LRRC4: variants seen among roughly 807,000 people sequenced by gnomAD.
The protein encoded by LRRC4 is leucine rich repeat containing 4, also known as leucine-rich repeat-containing protein 4.
A neutral mutation model predicts 37.9 loss-of-function variants in LRRC4; 11 were observed. That is an observed-to-expected ratio of 0.29 (90% CI 0.18 to 0.48). The LOEUF (loss-of-function observed/expected upper bound fraction) is 0.48. Ranked by LOEUF, LRRC4 falls within the 20% of genes least tolerant of loss-of-function variation. The probability of loss-of-function intolerance (pLI) is 0.99; values close to 1 mark genes in which losing one functional copy is unlikely to be tolerated. For synonymous variants in LRRC4, 404 were observed against 346.7 expected (o/e 1.17, Z -1.84); for missense variants, 717 against 842.1 (o/e 0.85, Z 1.84).
In LRRC4 at chr7:128,030,428, C is replaced by G. The variant is rs1166182828; in HGVS notation, c.213G>C (p.Gln71His). ...CTRRGLSEVP[Q>H]GIPSNTRYLN... ...GGTACCGGGTGTTCGAGGGAATACC[C>G]TGCGGGACCTCGGAGAGGCCCCGGC... The change falls in exon 2 of 2, where the codon CAG (glutamine) becomes CAC (histidine). Residue 71 changes from glutamine (Q) to histidine (H), a missense_variant. Coordinates refer to ENST00000249363, the MANE Select transcript of LRRC4 (RefSeq NM_022143.5). The G allele has an allele frequency of 1.2e-6, 2 of 1,613,892 alleles. No individual in the cohort carries two copies. Among genetic ancestry groups the G allele is most frequent in the East Asian group, 2.2e-5 (1 of 44,878 alleles).
chr7:128,032,100 G>C (rs1005527856), upstream of LRRC4: 13 of 152,082 alleles, frequency 8.5e-5, no homozygotes, highest in African/African-American at 3.1e-4. Context: ...CAGTCAGAAC[G>C]TGAATGTACT....
At chr7:128,031,795 C>T (rs1228508981), upstream of LRRC4, among the ~76,000 whole-genome samples, 2 of 146,506 alleles carry the variant, frequency 1.4e-5, no homozygotes, top group Admixed American at 1.4e-4. Context: ...CCCGCCGCTG[C>T]CCGGCCCCCG....
At position 128,029,634 on chromosome 7, in the gene LRRC4, C is replaced by T. The variant is rs146038152; in HGVS notation, c.1007G>A (p.Arg336Gln). ...CGRCHAPMHM[R>Q]GRYLVEVDQA... ...GTCCACCTCCACGAGGTAGCGGCCT[C>T]GCATGTGCATGGGAGCATGACAGCG... Residue 336 changes from arginine (R) to glutamine (Q), a missense_variant, in exon 2 of 2, where the codon CGA becomes CAA. This residue lies in a region of LRRC4 where 293 missense variants were observed against 268.3 expected (regional missense o/e 1.09). Coordinates refer to ENST00000249363, the MANE Select transcript of LRRC4 (RefSeq NM_022143.5). The surrounding 1 kb of genome is among the most constrained non-coding windows in gnomAD (Gnocchi z 4.2). The T allele has an allele frequency of 7.4e-6, 12 of 1,613,850 alleles. No homozygotes were observed. The highest frequency in any genetic ancestry group is 2.2e-5 in the East Asian group (1 of 44,890).
rs1803552908 is a variant in LRRC4 at position 128,028,668 on chromosome 7, G to A, written c.*11C>T. 2 of 1,597,564 alleles carry A rather than the reference G, an allele frequency of 1.3e-6. No homozygotes were observed. The highest frequency in any genetic ancestry group is 1.7e-5 in the Admixed American group (1 of 57,884). ...TCTATTGCATTTTATAAGTTTTTTG[G>A]GGGAGGGGAGTCATATTTGAGTTTC... On this transcript the variant is annotated 3_prime_UTR_variant, in exon 2 of 2. Transcript: ENST00000249363.
rs935295367 is a variant in LRRC4 at position 128,031,183 on chromosome 7, GC to G, written c.-372del. 10 of 151,950 alleles carry G rather than the reference GC, an allele frequency of 6.6e-5. No homozygotes were observed. The highest frequency in any genetic ancestry group is 1.7e-4 in the African/African-American group (7 of 41,422). 9.4% of individuals were successfully genotyped at this position (151,950 alleles called of 1,614,324 possible). On this transcript the variant is annotated 5_prime_UTR_variant, in exon 1 of 2. The change abolishes the stop of an existing upstream ORF in the 5' untranslated region. Coordinates refer to ENST00000249363, the MANE Select transcript of LRRC4 (RefSeq NM_022143.5). ...GGCCCGGCGGGCTATGCAGGTGCATGCCCCCCCCTCCGCCCAAGGAGCGGCG... is the reference window on the plus strand; with the variant it reads ...GGCCCGGCGGGCTATGCAGGTGCATGCCCCCCCTCCGCCCAAGGAGCGGCG...
chr7:128,029,386 T>C lies in LRRC4; in HGVS notation c.1255A>G (p.Thr419Ala), dbSNP rs750645543. Residue 419 changes from threonine to alanine, a missense_variant, in exon 2 of 2, where the codon ACT becomes GCT. Around this residue, in one of 5 missense-constraint regions of LRRC4, gnomAD observed 293 missense variants for 268.3 expected, o/e 1.09. Coordinates refer to ENST00000249363, the MANE Select transcript of LRRC4 (RefSeq NM_022143.5). The surrounding 1 kb of genome is among the most constrained non-coding windows in gnomAD (Gnocchi z 4.2). ...GTCACCATGCATGTGTACACCCCAG[T>C]GTCTGAAAGCAGCACGTGGGAAAAG... is the stretch of plus-strand genomic sequence containing the variant. Reference protein sequence around the residue: ...LNFSHVLLSDTGVYTCMVTNV... With the variant: ...LNFSHVLLSDAGVYTCMVTNV... The C allele has an allele frequency of 2.5e-6, 4 of 1,614,202 alleles. No homozygotes were observed. Among genetic ancestry groups the C allele is most frequent in the East Asian group, 4.5e-5 (2 of 44,886 alleles).
rs1342803112 is a variant in LRRC4, at chr7:128,029,488, A to G, written c.1153T>C (p.Leu385=). ...RTPPMSSVKW[L]LPNGTVLSHA... ...CTGAGCACTGTCCCATTGGGCAGCA[A>G]CCACTTCACGGAGGACATAGGGGGA... The change falls in exon 2 of 2, where the codon TTG becomes CTG. Residue 385 remains leucine, a synonymous_variant. Transcript: ENST00000249363. This position sits in a 1 kb window ranked among gnomAD's most constrained non-coding sequence, Gnocchi z 4.2. The G allele has an allele frequency of 4.3e-6, 7 of 1,613,954 alleles. No individual in the cohort carries two copies. The Admixed American group carries it at 5.0e-5, about 12-fold the overall frequency.
chr7:128,030,807 A>G (rs1404964973), intron 1 of LRRC4, 67 bp from the exon 2 acceptor site: 4 of 856,124 alleles, frequency 4.7e-6, no homozygotes, highest in African/African-American at 1.7e-5. Context: ...AAATCCTGCC[A>G]AACTCGAGCG....
In LRRC4 at chr7:128,029,402, G is replaced by C; in HGVS notation, c.1239C>G (p.His413Gln). 1.2e-6 allele frequency: 2 copies of C among 1,614,230 alleles called. No homozygotes were observed. Among genetic ancestry groups the C allele is most frequent in the South Asian group, 1.1e-5 (1 of 91,086 alleles). Residue 413 changes from histidine (H) to glutamine (Q), a missense_variant, in exon 2 of 2, where the codon CAC (histidine) becomes CAG (glutamine). By Grantham distance (24) the His-to-Gln change is conservative. Coordinates refer to ENST00000249363, the MANE Select transcript of LRRC4 (RefSeq NM_022143.5). The surrounding 1 kb of genome is among the most constrained non-coding windows in gnomAD (Gnocchi z 4.2). ...VLNDGTLNFSHVLLSDTGVYT... is the reference protein window; with the variant it reads ...VLNDGTLNFSQVLLSDTGVYT... ...ACACCCCAGTGTCTGAAAGCAGCAC[G>C]TGGGAAAAGTTCAAGGTGCCGTCGT...
Position 128,029,246 on chromosome 7 carries a change from C to T in LRRC4, c.1395G>A (p.Ser465=). 1 of 1,614,074 alleles carries T rather than the reference C, an allele frequency of 6.2e-7. No homozygotes were observed. Among genetic ancestry groups the T allele is most frequent in the African/African-American group, 1.3e-5 (1 of 74,988 alleles). The change falls in exon 2 of 2, where the codon TCG becomes TCA. Residue 465 remains serine, a synonymous_variant. Transcript: ENST00000249363. The surrounding 1 kb of genome is among the most constrained non-coding windows in gnomAD (Gnocchi z 4.2). ...TGTACTTTCGCGTTGTGTCCTCAGG[C>T]GAGATCTCCGTGGTCTCCACTGTTA... ...TTVTVETTEI[S]PEDTTRKYKP... is the part of the protein sequence containing the mutation.
In LRRC4 at chr7:128,027,757, A is replaced by T. The variant is rs1803519624; in HGVS notation, c.*922T>A. 1 of 152,170 alleles carries T rather than the reference A, an allele frequency of 6.6e-6. No individual in the cohort carries two copies. Among genetic ancestry groups the T allele is most frequent in the African/African-American group, 2.4e-5 (1 of 41,436 alleles). 9.4% of individuals were successfully genotyped at this position (152,170 alleles called of 1,614,324 possible). On this transcript the variant is annotated 3_prime_UTR_variant, in exon 2 of 2. Transcript: ENST00000249363. The stretch of plus-strand genomic sequence containing the variant: ...CAACAGGTGGACATGGCACAATGCT[A>T]ATTTATGGCCTCCTGTGAATACATT...
chr7:128,027,094 A>C lies in LRRC4; in HGVS notation c.*1585T>G, dbSNP rs1803497652. On this transcript the variant is annotated 3_prime_UTR_variant, in exon 2 of 2. Transcript: ENST00000249363. ...AATTAAAAATTCAACAATATTTATT[A>C]AAATACAAAAATACACTTTTCTCAC... 6.6e-6 allele frequency: 1 copy of C among 152,638 alleles called. No individual in the cohort carries two copies. The highest frequency in any genetic ancestry group is 2.1e-4 in the South Asian group (1 of 4,832). The allele number at this position is 152,638 out of a possible 1,614,324, so 9.5% of individuals were successfully genotyped here.
Position 128,028,508 on chromosome 7 carries a change from TTTTTG to T in LRRC4, c.*166_*170del, listed in dbSNP as rs1425796335. 5.9e-5 allele frequency: 37 copies of T among 624,088 alleles called. No homozygotes were observed. The highest frequency in any genetic ancestry group is 5.3e-4 in the East Asian group (17 of 32,044). 38.7% of individuals were successfully genotyped at this position (624,088 alleles called of 1,614,324 possible). On this transcript the variant is annotated 3_prime_UTR_variant, in exon 2 of 2. Coordinates refer to ENST00000249363, the MANE Select transcript of LRRC4 (RefSeq NM_022143.5). ...AATAGAACTTACAAGTTAGAAAATA[TTTTTG>T]TTTTGACTTTTTGTCTTTAAATTTT...
Position 128,030,650 on chromosome 7 carries a change from C to A in LRRC4, c.-10G>T, listed in dbSNP as rs1189995182. The A allele has an allele frequency of 1.4e-5, 21 of 1,535,490 alleles. No homozygotes were observed. Among genetic ancestry groups the A allele is most frequent in the Non-Finnish European group, 1.8e-5 (21 of 1,138,032 alleles). On this transcript the variant is annotated 5_prime_UTR_variant, in exon 2 of 2. Coordinates refer to ENST00000249363, the MANE Select transcript of LRRC4 (RefSeq NM_022143.5). Reference sequence around the variant, plus strand: ...GCCACAAGAGCTTCATGGTGTGGCACGTTCATAATTCACCATCGCCTGGGA... The same window carrying A: ...GCCACAAGAGCTTCATGGTGTGGCAAGTTCATAATTCACCATCGCCTGGGA...
chr7:128,031,697 C>T (rs1792609486), upstream of LRRC4: 1 of 145,924 alleles, frequency 6.9e-6, no homozygotes, highest in Non-Finnish European at 1.5e-5. Flanking sequence ...GCCCGCACCG[C>T]AGGCCCCTTC....
rs147566733 is a variant in LRRC4 at position 128,029,916 on chromosome 7, C to T, written c.725G>A (p.Ser242Asn). Residue 242 changes from serine to asparagine, a missense_variant, in exon 2 of 2, where the codon AGC (serine) becomes AAC (asparagine). This residue lies in a region of LRRC4 where 138 missense variants were observed against 261.0 expected (regional missense o/e 0.53). Transcript: ENST00000249363. This position sits in a 1 kb window ranked among gnomAD's most constrained non-coding sequence, Gnocchi z 4.2. ...CATGACCCAGAGCTTCTTGAGGGAG[C>T]TCAGGCCATGGAAGGAGCCAGGCCT... Reference protein sequence around the residue: ...EIRPGSFHGLSSLKKLWVMNS... With the variant: ...EIRPGSFHGLNSLKKLWVMNS... 1.3e-4 allele frequency: 213 copies of T among 1,613,218 alleles called. No homozygotes were observed. The highest frequency in any genetic ancestry group is 1.1e-3 in the South Asian group (99 of 91,086).
In LRRC4 at chr7:128,028,984, G is replaced by A. The variant is rs1159200016; in HGVS notation, c.1657C>T (p.Arg553Trp). The A allele has an allele frequency of 3.8e-5, 62 of 1,610,922 alleles. No individual in the cohort carries two copies. The highest frequency in any genetic ancestry group is 5.1e-5 in the Non-Finnish European group (60 of 1,178,410). ...GTGACTGTACTCCGCTGCTGGTGCC[G>A]CTTACGAAGTTTATAGAAGACAATC... is the stretch of plus-strand genomic sequence containing the variant. The part of the protein sequence containing the change: ...MLIVFYKLRK[R>W]HQQRSTVTAA... The change falls in exon 2 of 2, where the codon CGG (arginine) becomes TGG (tryptophan). Residue 553 changes from arginine to tryptophan, a missense_variant. Physicochemically the swap from Arg to Trp is moderately radical, Grantham distance 101. Around this residue, in one of 5 missense-constraint regions of LRRC4, gnomAD observed 140 missense variants for 137.2 expected, o/e 1.02. Transcript: ENST00000249363.
In LRRC4 at chr7:128,029,538, C is replaced by T. The variant is rs764537457; in HGVS notation, c.1103G>A (p.Arg368Gln). Reference sequence around the variant, plus strand: ...AGTCCGACACTTAAGTTCTGCCATCCGACCCTCAGAAATGTTGAGGTCTCG... The same window carrying T: ...AGTCCGACACTTAAGTTCTGCCATCTGACCCTCAGAAATGTTGAGGTCTCG... ...APRDLNISEG[R>Q]MAELKCRTPP... The change falls in exon 2 of 2, where the codon CGG (arginine) becomes CAG (glutamine). Residue 368 changes from arginine to glutamine, a missense_variant. By Grantham distance (43) the Arg-to-Gln change is conservative (BLOSUM62 1). Around this residue, in one of 5 missense-constraint regions of LRRC4, gnomAD observed 293 missense variants for 268.3 expected, o/e 1.09. Coordinates refer to ENST00000249363, the MANE Select transcript of LRRC4 (RefSeq NM_022143.5). This position sits in a 1 kb window ranked among gnomAD's most constrained non-coding sequence, Gnocchi z 4.2. The T allele has an allele frequency of 6.2e-7, 1 of 1,614,010 alleles. No individual in the cohort carries two copies. The highest frequency in any genetic ancestry group is 1.1e-5 in the South Asian group (1 of 91,076).
rs532590910 is a variant in LRRC4 at position 128,029,423 on chromosome 7, G to A, written c.1218C>T (p.Asp406=). 5.0e-6 allele frequency: 8 copies of A among 1,614,202 alleles called. No homozygotes were observed. The South Asian group carries it at 6.6e-5, about 13-fold the overall frequency. The change falls in exon 2 of 2, where the codon GAC becomes GAT. Residue 406 remains aspartate (D), a synonymous_variant. Transcript: ENST00000249363. This position sits in a 1 kb window ranked among gnomAD's most constrained non-coding sequence, Gnocchi z 4.2. The stretch of plus-strand genomic sequence containing the variant: ...GCACGTGGGAAAAGTTCAAGGTGCC[G>A]TCGTTGAGGACAGAGATCCTTGGGT... The part of the protein sequence containing the change: ...SRHPRISVLN[D]GTLNFSHVLL...
Sources: gnomAD v4.1 joint callset for allele counts (sites outside exome capture counted in the v4.1 genomes callset) on GRCh38, gnomAD v4.1.1 for gene constraint, gnomAD v4.1.1 regional missense constraint, Gnocchi (gnomAD v3.1) non-coding constraint, MANE v1.5 for transcripts, NCBI Gene and HGNC (gene_info 2026-07-23, HGNC 2026-07-21) for gene names.